Variants in NPFFR2 observed in about 807,000 individuals in gnomAD.
NPFFR2 encodes the protein neuropeptide FF receptor 2.
A neutral mutation model predicts 13.1 loss-of-function variants in NPFFR2; 15 were observed. That is an observed-to-expected ratio of 1.15 (90% CI 0.77 to 1.76). The LOEUF is 1.76. Among genes scored for constraint, NPFFR2 ranks in the 40% most tolerant of loss-of-function variants. The probability of loss-of-function intolerance (pLI) is 0.00; values close to 1 mark genes in which losing one functional copy is unlikely to be tolerated. For synonymous variants in NPFFR2, 190 were observed against 175.7 expected (o/e 1.08, Z -0.65); for missense variants, 572 against 503.5 (o/e 1.14, Z -1.30).
chr4:72,062,109 A>G (rs1301527888), intron 1 of NPFFR2, among the ~76,000 whole-genome samples: 2 of 151,688 alleles, frequency 1.3e-5, no homozygotes, highest in East Asian at 3.9e-4. Flanking sequence ...ATTTCTTTCC[A>G]CGGGAACCAT....
chr4:72,090,061 A>G (rs1720874802), intron 1 of NPFFR2, among the ~76,000 whole-genome samples: 1 of 152,130 alleles, frequency 6.6e-6, no homozygotes, highest in East Asian at 1.9e-4. Flanking sequence ...TTATCCCAGC[A>G]CCATTTGTTG....
At chr4:72,094,460 A>G (rs1438268350) in intron 1 of NPFFR2, among the ~76,000 whole-genome samples, 3 of 152,094 alleles carry the variant, frequency 2.0e-5, no homozygotes, top group African/African-American at 7.2e-5. Flanking sequence ...GCAGGTAGAG[A>G]AAGACAATCA....
At chr4:72,097,987 A>G (rs1721119375) in intron 1 of NPFFR2, among the ~76,000 whole-genome samples, 1 of 151,902 alleles carries the variant, frequency 6.6e-6, no homozygotes, top group Non-Finnish European at 1.5e-5. Flanking sequence ...TTTTTTCTCT[A>G]TCTTAATCCC....
rs568024146 is a variant in NPFFR2, at chr4:72,062,972, G to A, written c.-8+30772G>A. Among the ~76,000 whole-genome samples, 7 of 152,270 alleles carry A rather than the reference G, an allele frequency of 4.6e-5. No individual in the cohort carries two copies. The East Asian group carries it at 1.2e-3, about 25-fold the overall frequency. ...CAAAACAAAACAAAAAACACTGTACGTCTTGAAGGTTGTGTAGTTGGTTGT... is the reference window on the plus strand; with the variant it reads ...CAAAACAAAACAAAAAACACTGTACATCTTGAAGGTTGTGTAGTTGGTTGT... On this transcript the variant is annotated intron_variant, in intron 1 of 3. Transcript: ENST00000308744.
chr4:72,133,973 A>G (rs1340598667), intron 2 of NPFFR2, among the ~76,000 whole-genome samples: 1 of 152,168 alleles, frequency 6.6e-6, no homozygotes, highest in African/African-American at 2.4e-5. Context: ...CATACAAATT[A>G]CCCATCCTTG....
intron 1 of NPFFR2, among the ~76,000 whole-genome samples, chr4:72,113,332 T>A (rs942156744): frequency 6.6e-6 from 1 of 152,000 alleles, no homozygotes; most frequent in African/African-American, 2.4e-5. Flanking sequence ...AACTTATAGG[T>A]CTTACTTTAT....
intron 1 of NPFFR2, among the ~76,000 whole-genome samples, chr4:72,078,970 C>T (rs1281729940): frequency 1.3e-5 from 2 of 151,678 alleles, no homozygotes; most frequent in Non-Finnish European, 2.9e-5. Context: ...AAGGGTAGCA[C>T]AAGGAATACT....
At chr4:72,067,711 A>G (rs73824723) in intron 1 of NPFFR2, among the ~76,000 whole-genome samples, 4,480 of 152,260 alleles carry the variant, frequency 0.029, 213 homozygotes, top group African/African-American at 0.1. Flanking sequence ...GATTTCTTCC[A>G]CCAAATTTCC....
chr4:72,035,724 A>G (rs1194312766), intron 1 of NPFFR2, among the ~76,000 whole-genome samples: 1 of 151,960 alleles, frequency 6.6e-6, no homozygotes, highest in Non-Finnish European at 1.5e-5. Flanking sequence ...AAATAAAATA[A>G]CTCCTGAAAT....
At chr4:72,085,793 G>A (rs1215555357) in intron 1 of NPFFR2, among the ~76,000 whole-genome samples, 2 of 152,028 alleles carry the variant, frequency 1.3e-5, no homozygotes, top group African/African-American at 4.8e-5. Context: ...TTTTTTTACA[G>A]CAAACTAAAG....
chr4:72,056,811 G>A (rs1230460807), intron 1 of NPFFR2, among the ~76,000 whole-genome samples: 1 of 151,966 alleles, frequency 6.6e-6, no homozygotes, highest in African/African-American at 2.4e-5. Flanking sequence ...TGGATCTGAT[G>A]GAAATAACAA....
At chr4:72,044,023 G>A (rs1719308151) in intron 1 of NPFFR2, among the ~76,000 whole-genome samples, 1 of 152,156 alleles carries the variant, frequency 6.6e-6, no homozygotes, top group Admixed American at 6.5e-5. Context: ...TTACTTCCAT[G>A]CTGTTCACAT....
At chr4:72,053,756 A>T (rs1719659876) in intron 1 of NPFFR2, among the ~76,000 whole-genome samples, 1 of 151,716 alleles carries the variant, frequency 6.6e-6, no homozygotes, top group Admixed American at 6.6e-5. Context: ...CTTCTTTCTG[A>T]TCTGTATGTC....
chr4:72,091,722 CTTCTT>C (rs1720924069), intron 1 of NPFFR2, among the ~76,000 whole-genome samples: 1 of 152,000 alleles, frequency 6.6e-6, no homozygotes, highest in South Asian at 2.1e-4. Context: ...GACTTTCTGT[CTTCTT>C]TTCTTGGTTA....
intron 1 of NPFFR2, among the ~76,000 whole-genome samples, chr4:72,109,970 G>A (rs892639433): frequency 6.6e-6 from 1 of 151,924 alleles, no homozygotes; most frequent in Non-Finnish European, 1.5e-5. Flanking sequence ...CACAGAACAT[G>A]CAGCAATTAA....
At chr4:72,061,158 T>C (rs998352372) in intron 1 of NPFFR2, among the ~76,000 whole-genome samples, 1 of 152,168 alleles carries the variant, frequency 6.6e-6, no homozygotes, top group Admixed American at 6.6e-5. Flanking sequence ...ACTGCAGCAC[T>C]GACAGTCATG....
intron 1 of NPFFR2, among the ~76,000 whole-genome samples, chr4:72,127,209 C>T (rs1411129474): frequency 8.1e-5 from 10 of 124,148 alleles, no homozygotes; most frequent in South Asian, 3.0e-4. Context: ...GAGGGTGAGG[C>T]GGGAGAATGG....
chr4:72,127,230 G>A (rs1722076210), intron 1 of NPFFR2, among the ~76,000 whole-genome samples: 1 of 137,382 alleles, frequency 7.3e-6, no homozygotes, highest in Non-Finnish European at 1.5e-5. Flanking sequence ...CGTGAACCCG[G>A]GAGGTGGAGC....
intron 1 of NPFFR2, among the ~76,000 whole-genome samples, chr4:72,094,674 C>G (rs1721009896): frequency 6.6e-6 from 1 of 152,206 alleles, no homozygotes; most frequent in South Asian, 2.1e-4. Flanking sequence ...ATCTCACTCC[C>G]TCTGTGCCCC....
Sources: allele counts gnomAD v4.1 joint callset (sites outside exome capture counted in the v4.1 genomes callset), GRCh38; gene constraint gnomAD v4.1.1; transcripts MANE v1.5; gene names NCBI Gene and HGNC (gene_info 2026-07-23, HGNC 2026-07-21).